Variants in ITGA9 observed in about 807,000 individuals in gnomAD.
ITGA9 encodes integrin alpha-9.
ITGA9 carries 56 observed loss-of-function variants against 127.8 expected under a neutral mutation model. That is an observed-to-expected ratio of 0.44 (90% CI 0.35 to 0.55). ITGA9 has a LOEUF of 0.55. Among genes scored for constraint, ITGA9 ranks in the 20% least tolerant of loss-of-function variants. The pLI, the probability that ITGA9 is intolerant of heterozygous loss-of-function variation, is 0.00. For synonymous variants in ITGA9, 508 were observed against 514.5 expected (o/e 0.99, Z 0.17); for missense variants, 1,196 against 1,347.1 (o/e 0.89, Z 1.76).
intron 17 of ITGA9, among the ~76,000 whole-genome samples, chr3:37,672,764 C>G (rs1255298587): frequency 6.6e-6 from 1 of 151,930 alleles, no homozygotes; most frequent in Non-Finnish European, 1.5e-5. Flanking sequence ...AACCACAGGA[C>G]AAGACTAGTA....
intron 16 of ITGA9, among the ~76,000 whole-genome samples, chr3:37,631,114 A>C (rs1428069130): frequency 2.0e-5 from 3 of 152,202 alleles, no homozygotes; most frequent in Non-Finnish European, 4.4e-5. Context: ...TCTAAGGTCA[A>C]ATCTTACTGG....
At position 37,640,301 on chromosome 3, in the gene ITGA9, G is replaced by A. The variant is rs60110338; in HGVS notation, c.1839+10965G>A. Among the ~76,000 whole-genome samples, 1,350 of 152,192 alleles carry A rather than the reference G, an allele frequency of 8.9e-3. 23 individuals are homozygous for A. The highest frequency in any genetic ancestry group is 0.031 in the African/African-American group (1,295 of 41,518). On this transcript the variant is annotated intron_variant, in intron 16 of 27. Transcript: ENST00000264741. ...CAGCTGGAGGTGGGAGGAATGAGGC[G>A]GAATAGGAGGTCAGAGAGACTTGAA...
At chr3:37,608,844 C>T (rs1465222471) in intron 15 of ITGA9, among the ~76,000 whole-genome samples, 1 of 152,058 alleles carries the variant, frequency 6.6e-6, no homozygotes, top group Non-Finnish European at 1.5e-5. Context: ...GAAGTGGAGG[C>T]TATTAAGACC....
At chr3:37,502,811 A>G (rs534730438) in intron 5 of ITGA9, among the ~76,000 whole-genome samples, 1 of 152,088 alleles carries the variant, frequency 6.6e-6, no homozygotes, top group African/African-American at 2.4e-5. Flanking sequence ...ACTGCTTTTC[A>G]TGAGTGGTGT....
rs535570652 is a variant in ITGA9 at position 37,777,282 on chromosome 3, G to A, written c.2542-110G>A. 9.3e-5 allele frequency: 116 copies of A among 1,246,884 alleles called. No homozygotes were observed. The African/African-American group carries it at 1.6e-3, about 17-fold the overall frequency. 77.2% of individuals were successfully genotyped at this position (1,246,884 alleles called of 1,614,324 possible). A position where few individuals can be genotyped will look rare whatever the true frequency, so the allele number is the denominator to read the frequency against. ...TGTTCTCCACTTCAAAATGGACAAG[G>A]AGGAAAGGTGAATTGGGGTTCTACC... On this transcript the variant is annotated intron_variant, in intron 23 of 27. Transcript: ENST00000264741.
At chr3:37,553,840 C>CACA (rs1480998725) in intron 15 of ITGA9, among the ~76,000 whole-genome samples, 1 of 152,206 alleles carries the variant, frequency 6.6e-6, no homozygotes. Context: ...CTTTGGTCTT[C>CACA]ACAGAGGTAT....
chr3:37,784,950 A>C lies in ITGA9; in HGVS notation c.2788-27A>C, dbSNP rs756954671. 6.2e-5 allele frequency: 97 copies of C among 1,575,164 alleles called. 1 individual carries two copies. The highest frequency in any genetic ancestry group is 8.0e-5 in the Non-Finnish European group (91 of 1,144,612). ...CAGCCATTATCATAGAAAAATCTTC[A>C]AGTAAGTTGTGTTGTTTCTTCCACA... On this transcript the variant is annotated intron_variant, in intron 25 of 27. Transcript: ENST00000264741.
At chr3:37,662,319 C>T (rs1369680325) in intron 17 of ITGA9, among the ~76,000 whole-genome samples, 1 of 152,104 alleles carries the variant, frequency 6.6e-6, no homozygotes, top group Admixed American at 6.5e-5. Context: ...GGGAGGATCA[C>T]TTGAGCCTGG....
chr3:37,703,798 T>G (rs891640466), intron 18 of ITGA9, among the ~76,000 whole-genome samples: 1 of 152,208 alleles, frequency 6.6e-6, no homozygotes, highest in Non-Finnish European at 1.5e-5. Flanking sequence ...TTAACGTGTT[T>G]AACCCTCACA....
intron 7 of ITGA9, 152 bp from the exon 8 acceptor site, chr3:37,508,407 C>G: frequency 1.5e-6 from 1 of 657,894 alleles, no homozygotes; most frequent in Admixed American, 2.8e-5. Context: ...GGTAAAATGA[C>G]AGCTGACTTC....
At chr3:37,652,904 C>G (rs1243809583) in intron 16 of ITGA9, among the ~76,000 whole-genome samples, 2 of 152,208 alleles carry the variant, frequency 1.3e-5, no homozygotes, top group Non-Finnish European at 2.9e-5. Flanking sequence ...GGAAGACTAA[C>G]AAGCCCTCCA....
At chr3:37,726,175 G>A (rs1174006301) in intron 18 of ITGA9, among the ~76,000 whole-genome samples, 1 of 152,200 alleles carries the variant, frequency 6.6e-6, no homozygotes, top group Admixed American at 6.5e-5. Flanking sequence ...AAATTTATTT[G>A]AATTCTAAAT....
At chr3:37,644,297 T>TG (rs1700357625) in intron 16 of ITGA9, among the ~76,000 whole-genome samples, 1 of 152,186 alleles carries the variant, frequency 6.6e-6, no homozygotes, top group Non-Finnish European at 1.5e-5. Flanking sequence ...TTTAGATGGA[T>TG]GGAACTGGAG....
intron 5 of ITGA9, among the ~76,000 whole-genome samples, chr3:37,502,909 C>T (rs1381245557): frequency 6.6e-6 from 1 of 152,186 alleles, no homozygotes; most frequent in Non-Finnish European, 1.5e-5. Flanking sequence ...CGTGTGTGGT[C>T]TCATCGTGGA....
At chr3:37,748,902 A>C (rs1696544020) in intron 22 of ITGA9, 2 of 855,566 alleles carry the variant, frequency 2.3e-6, no homozygotes, top group Admixed American at 1.8e-5. Context: ...TTCATGGCAT[A>C]ATAGGTGTCT....
intron 5 of ITGA9, among the ~76,000 whole-genome samples, chr3:37,498,138 A>G (rs956069797): frequency 1.3e-5 from 2 of 152,196 alleles, no homozygotes; most frequent in Non-Finnish European, 2.9e-5. Flanking sequence ...GAAAGAACCC[A>G]TTGGGAGATA....
intron 8 of ITGA9, among the ~76,000 whole-genome samples, chr3:37,511,711 A>G (rs2125575107): frequency 6.6e-6 from 1 of 152,278 alleles, no homozygotes; most frequent in South Asian, 2.1e-4. Flanking sequence ...TCCTTTGAGA[A>G]TGGGTAATCA....
chr3:37,750,177 A>G (rs1696564735), intron 22 of ITGA9, among the ~76,000 whole-genome samples: 1 of 152,190 alleles, frequency 6.6e-6, no homozygotes, highest in Admixed American at 6.5e-5. Context: ...GTAAATTCCT[A>G]TGCATGTAAA....
chr3:37,565,038 G>C (rs1355284195), intron 15 of ITGA9, among the ~76,000 whole-genome samples: 3 of 152,196 alleles, frequency 2.0e-5, no homozygotes, highest in African/African-American at 7.2e-5. Context: ...TGTAGTGAGG[G>C]AGGATCCAAC....
Sources: allele counts gnomAD v4.1 joint callset (sites outside exome capture counted in the v4.1 genomes callset), GRCh38; gene constraint gnomAD v4.1.1; transcripts MANE v1.5; gene names NCBI Gene and HGNC (gene_info 2026-07-23, HGNC 2026-07-21).